MEGF11: variants seen among roughly 807,000 people sequenced by gnomAD.
MEGF11 encodes the protein multiple EGF like domains 11, also known as multiple epidermal growth factor-like domains protein 11.
MEGF11 carries 126 observed loss-of-function variants against 146.6 expected under a neutral mutation model. The observed-to-expected ratio is 0.86, with a 90% CI of 0.74 to 1.00. MEGF11 has a LOEUF of 1.00. MEGF11 is among the 50% of genes least tolerant of loss of function. The pLI is 0.00. For synonymous variants in MEGF11, 532 were observed against 583.4 expected (o/e 0.91, Z 1.27); for missense variants, 1,509 against 1,521.2 (o/e 0.99, Z 0.13).
At chr15:65,922,569 C>T (rs2079211314) in intron 14 of MEGF11, 97 bp from the exon 15 acceptor site, 7 of 1,434,766 alleles carry the variant, frequency 4.9e-6, no homozygotes, top group Non-Finnish European at 6.4e-6. Flanking sequence ...ATGGGGAGAC[C>T]TGCATCCTTC....
At chr15:65,951,308 G>C (rs2080391467) in intron 10 of MEGF11, among the ~76,000 whole-genome samples, 1 of 152,224 alleles carries the variant, frequency 6.6e-6, no homozygotes, top group Admixed American at 6.5e-5. Context: ...AAAGCACAGA[G>C]GCCCCAAAGA....
chr15:66,218,226 T>C lies in MEGF11; in HGVS notation c.-9+35379A>G, dbSNP rs138491209. ...GGTTCATCCCTAGAGGGAGATACAT[T>C]AAAGAAAGGAACAAAATGAAAGCTA... On this transcript the variant is annotated intron_variant, in intron 1 of 25. Coordinates refer to ENST00000395614, the MANE Select transcript of MEGF11 (RefSeq NM_001385028.1). Among the ~76,000 whole-genome samples the C allele has an allele frequency of 2.8e-4, 42 of 152,232 alleles. No homozygotes were observed. The East Asian group carries it at 7.9e-3, about 29-fold the overall frequency.
At chr15:66,050,861 G>A (rs2084420838) in intron 5 of MEGF11, among the ~76,000 whole-genome samples, 1 of 152,248 alleles carries the variant, frequency 6.6e-6, no homozygotes, top group African/African-American at 2.4e-5. Context: ...CCCTGGGATT[G>A]CCGGGCCATT....
At chr15:65,987,205 A>T (rs2081892181) in intron 5 of MEGF11, among the ~76,000 whole-genome samples, 1 of 152,242 alleles carries the variant, frequency 6.6e-6, no homozygotes, top group Admixed American at 6.5e-5. Flanking sequence ...CCAAGTCATG[A>T]GATAAAGGTG....
intron 1 of MEGF11, among the ~76,000 whole-genome samples, chr15:66,223,688 G>A (rs780612387): frequency 2.6e-5 from 4 of 152,166 alleles, no homozygotes; most frequent in East Asian, 1.9e-4. Flanking sequence ...GTGCCATTGC[G>A]CTCCAGCCTG....
chr15:66,211,669 C>G (rs548070781), intron 1 of MEGF11, among the ~76,000 whole-genome samples: 6 of 151,902 alleles, frequency 3.9e-5, no homozygotes, highest in Admixed American at 3.9e-4. Context: ...CTCAATGCCT[C>G]ATTCTGATTG....
In MEGF11 at chr15:66,160,662, G is replaced by A. The variant is rs925268012; in HGVS notation, c.-8-32251C>T. Among the ~76,000 whole-genome samples, 45 of 79,200 alleles carry A rather than the reference G, an allele frequency of 5.7e-4. 1 individual carries two copies. The highest frequency in any genetic ancestry group is 2.3e-3 in the African/African-American group (45 of 19,212). 52.0% of individuals were successfully genotyped at this position (79,200 alleles called of 152,430 possible). On this transcript the variant is annotated intron_variant, in intron 1 of 25. Transcript: ENST00000395614. ...GCCAGGCACTGCTCTAGGCCCTAAG[G>A]GGACACACACACACACACACACACA... is the stretch of plus-strand genomic sequence containing the variant.
intron 1 of MEGF11, among the ~76,000 whole-genome samples, chr15:66,244,881 A>G (rs1263554940): frequency 6.6e-6 from 1 of 152,170 alleles, no homozygotes. Context: ...GACCCTGGGT[A>G]TAAAGACAGA....
intron 5 of MEGF11, among the ~76,000 whole-genome samples, chr15:65,999,174 G>A (rs910609078): frequency 6.6e-6 from 1 of 151,898 alleles, no homozygotes; most frequent in African/African-American, 2.4e-5. Flanking sequence ...TGGGACTACA[G>A]GCACATACCA....
At chr15:66,086,882 G>C (rs899919227) in intron 5 of MEGF11, among the ~76,000 whole-genome samples, 3 of 152,142 alleles carry the variant, frequency 2.0e-5, no homozygotes, top group Non-Finnish European at 4.4e-5. Flanking sequence ...AAAAAATACA[G>C]AACTGCAGAA....
intron 1 of MEGF11, among the ~76,000 whole-genome samples, chr15:66,195,565 C>A (rs1015219797): frequency 2.6e-5 from 4 of 152,192 alleles, no homozygotes; most frequent in Admixed American, 2.0e-4. Context: ...GAAGGGAGAG[C>A]AAATACAGCT....
chr15:65,957,910 G>A (rs913087995), intron 9 of MEGF11, among the ~76,000 whole-genome samples, 189 bp from the exon 10 acceptor site: 1 of 152,174 alleles, frequency 6.6e-6, no homozygotes, highest in Non-Finnish European at 1.5e-5. Context: ...GCACCCAGAA[G>A]CTGAGGCTCA....
At chr15:66,198,387 T>C (rs564966796) in intron 1 of MEGF11, among the ~76,000 whole-genome samples, 1 of 152,380 alleles carries the variant, frequency 6.6e-6, no homozygotes, top group Admixed American at 6.5e-5. Context: ...GTTTCCCCCA[T>C]AGCTGGTTTG....
chr15:66,204,904 G>A (rs530579415), intron 1 of MEGF11, among the ~76,000 whole-genome samples: 2 of 151,600 alleles, frequency 1.3e-5, no homozygotes, highest in African/African-American at 4.8e-5. Context: ...ACTGTGAAAG[G>A]TAGAGGGAAG....
At position 65,982,352 on chromosome 15, in the gene MEGF11, T is replaced by C. The variant is rs551474; in HGVS notation, c.531A>G (p.Ala177=). 0.99 allele frequency: 1,524,479 copies of C among 1,534,684 alleles called. 757,718 individuals are homozygous for C. Among genetic ancestry groups the C allele is most frequent in the East Asian group, 1 (40,701 of 40,708 alleles). The stretch of plus-strand genomic sequence containing the variant: ...GGCATCCCTTGCCGTGGGTGCCAGG[T>C]GCGCAGAGCTCCTCGCAGCGCCATC... ...FRGWRCEELC[A]PGTHGKGCQL... The change falls in exon 6 of 26, where the codon GCA becomes GCG. Residue 177 remains alanine (A), a synonymous_variant. Transcript: ENST00000395614. The surrounding 1 kb of genome is among the most constrained non-coding windows in gnomAD (Gnocchi z 5.6).
At position 65,997,873 on chromosome 15, in the gene MEGF11, G is replaced by T. The variant is rs182109745; in HGVS notation, c.395-15385C>A. 1.8e-3 allele frequency among the ~76,000 whole-genome samples: 272 copies of T among 152,286 alleles called. 1 individual carries two copies. The highest frequency in any genetic ancestry group is 6.1e-3 in the African/African-American group (255 of 41,552). Reference sequence around the variant, plus strand: ...TTTCAATTGGGAGGCCAGAGAGGTCGCTCTGAGAAGGTGACCCGGACACTG... The same window carrying T: ...TTTCAATTGGGAGGCCAGAGAGGTCTCTCTGAGAAGGTGACCCGGACACTG... On this transcript the variant is annotated intron_variant, in intron 5 of 25. Coordinates refer to ENST00000395614, the MANE Select transcript of MEGF11 (RefSeq NM_001385028.1).
At chr15:66,186,642 A>C (rs16949633) in intron 1 of MEGF11, among the ~76,000 whole-genome samples, 31,162 of 152,176 alleles carry the variant, frequency 0.2, 3,428 homozygotes, top group South Asian at 0.3. Flanking sequence ...AGTGGTCCTG[A>C]TCCAGCTAAG....
At chr15:65,965,571 C>CCTTCCTTCCTTCCTTCCTTT (rs2081038317) in intron 8 of MEGF11, among the ~76,000 whole-genome samples, 2 of 66,564 alleles carry the variant, frequency 3.0e-5, no homozygotes, top group African/African-American at 1.1e-4. Context: ...CAGTGAGGTC[C>CCTTCCTTCCTTCCTTCCTTT]CTTTCTTTCT....
chr15:65,908,568 A>T (rs1339498408), intron 23 of MEGF11, among the ~76,000 whole-genome samples: 11 of 151,940 alleles, frequency 7.2e-5, no homozygotes, highest in Non-Finnish European at 1.5e-5. Context: ...CTGTTTGACA[A>T]CCCTACCCTG....
Sources: allele counts gnomAD v4.1 joint callset (sites outside exome capture counted in the v4.1 genomes callset), GRCh38; gene constraint gnomAD v4.1.1; non-coding constraint Gnocchi (gnomAD v3.1); transcripts MANE v1.5; gene names NCBI Gene and HGNC (gene_info 2026-07-23, HGNC 2026-07-21).